Variants in ABLIM2 observed in about 807,000 individuals in gnomAD.
ABLIM2 encodes the protein actin-binding LIM protein 2.
Under a neutral mutation model 97.7 loss-of-function variants are expected in ABLIM2, and 53 were observed. The ratio of observed to expected loss-of-function variants is 0.54; its 90% CI spans 0.44 to 0.68. ABLIM2 has a LOEUF of 0.68. Ranked by LOEUF, ABLIM2 falls within the 30% of genes least tolerant of loss-of-function variation. The probability of loss-of-function intolerance (pLI) is 0.00; values close to 1 mark genes in which losing one functional copy is unlikely to be tolerated. For synonymous variants in ABLIM2, 361 were observed against 345.8 expected (o/e 1.04, Z -0.49); for missense variants, 835 against 867.2 (o/e 0.96, Z 0.47).
chr4:8,119,909 C>T (rs1032717975), intron 1 of ABLIM2, among the ~76,000 whole-genome samples: 3 of 152,070 alleles, frequency 2.0e-5, no homozygotes, highest in Admixed American at 6.5e-5. Context: ...CCTTCGCCTC[C>T]GCTCAGATCT....
At position 8,003,673 on chromosome 4, in the gene ABLIM2, C is replaced by T. The variant is rs936391296; in HGVS notation, c.1618+4386G>A. Reference sequence around the variant, plus strand: ...CTCTGCCTCCTGGGATCAAGTGATTCTCCTGCCTCAGCCTCCCAAGTAGCT... The same window carrying T: ...CTCTGCCTCCTGGGATCAAGTGATTTTCCTGCCTCAGCCTCCCAAGTAGCT... On this transcript the variant is annotated intron_variant, in intron 16 of 20. Coordinates refer to ENST00000447017, the MANE Select transcript of ABLIM2 (RefSeq NM_001130083.2). The surrounding 1 kb of genome is among the most constrained non-coding windows in gnomAD (Gnocchi z 4.2). Among the ~76,000 whole-genome samples, 1 of 148,358 alleles carries T rather than the reference C, an allele frequency of 6.7e-6. No individual in the cohort carries two copies. The highest frequency in any genetic ancestry group is 1.5e-5 in the Non-Finnish European group (1 of 67,588).
rs113297276 is a variant in ABLIM2, at chr4:8,004,228, T to C, written c.1618+3831A>G. 0.015 allele frequency among the ~76,000 whole-genome samples: 2,284 copies of C among 151,408 alleles called. 46 individuals are homozygous for C. Among genetic ancestry groups the C allele is most frequent in the African/African-American group, 0.052 (2,140 of 41,200 alleles). On this transcript the variant is annotated intron_variant, in intron 16 of 20. Coordinates refer to ENST00000447017, the MANE Select transcript of ABLIM2 (RefSeq NM_001130083.2). The surrounding 1 kb of genome is among the most constrained non-coding windows in gnomAD (Gnocchi z 5.9). ...AGAGACAAGCACCTCCCACCAGACA[T>C]GGGACTCCGCCCGGTCCCACAGCGA...
intron 17 of ABLIM2, chr4:7,989,339 AG>A: frequency 1.1e-6 from 1 of 925,486 alleles, no homozygotes; most frequent in Non-Finnish European, 1.3e-6. Context: ...TCGGCCTCGC[AG>A]AGTGCTGGGA....
At chr4:8,056,708 G>A (rs541768318) in intron 7 of ABLIM2, among the ~76,000 whole-genome samples, 9 of 151,880 alleles carry the variant, frequency 5.9e-5, no homozygotes, top group South Asian at 4.2e-4. Flanking sequence ...TGAGGCAGGC[G>A]GATCACGAGG....
At chr4:8,133,941 C>T (rs546901454) in intron 1 of ABLIM2, among the ~76,000 whole-genome samples, 8 of 152,096 alleles carry the variant, frequency 5.3e-5, no homozygotes, top group East Asian at 1.9e-4. Flanking sequence ...GAGCAAGGCA[C>T]GTGGGGACAT....
At position 8,043,257 on chromosome 4, in the gene ABLIM2, C is replaced by A. The variant is rs1789929638; in HGVS notation, c.900+1907G>T. Among the ~76,000 whole-genome samples, 1 of 152,232 alleles carries A rather than the reference C, an allele frequency of 6.6e-6. No individual in the cohort carries two copies. Among genetic ancestry groups the A allele is most frequent in the Non-Finnish European group, 1.5e-5 (1 of 68,042 alleles). Reference sequence around the variant, plus strand: ...GATTAAATACGTCTGTCATGCTTTTCTCTTGTGAACTTGTCTCTCGTTATA... The same window carrying A: ...GATTAAATACGTCTGTCATGCTTTTATCTTGTGAACTTGTCTCTCGTTATA... On this transcript the variant is annotated intron_variant, in intron 9 of 20. Transcript: ENST00000447017. The surrounding 1 kb of genome is among the most constrained non-coding windows in gnomAD (Gnocchi z 4.8).
intron 5 of ABLIM2, 23 bp downstream of exon 5, chr4:8,080,653 A>C: frequency 6.3e-7 from 1 of 1,583,478 alleles, no homozygotes; most frequent in Non-Finnish European, 8.6e-7. Flanking sequence ...GGAGGCTCTC[A>C]CTAGAGCCCT....
chr4:7,991,449 G>A (rs1252515591), intron 17 of ABLIM2, among the ~76,000 whole-genome samples: 1 of 152,230 alleles, frequency 6.6e-6, no homozygotes, highest in Non-Finnish European at 1.5e-5. Flanking sequence ...TCAGAGAACA[G>A]CTGTTCCAGG....
rs538084791 is a variant in ABLIM2, at chr4:7,986,071, C to G, written c.1681-1178G>C. 6.6e-6 allele frequency among the ~76,000 whole-genome samples: 1 copy of G among 152,318 alleles called. No homozygotes were observed. The highest frequency in any genetic ancestry group is 2.1e-4 in the South Asian group (1 of 4,832). ...CCTGTTGAAGAAAATGTCTTATTCA[C>G]GCTTCGTTCCCCAGCACCTGGAACG... On this transcript the variant is annotated intron_variant, in intron 17 of 20. Transcript: ENST00000447017. This position sits in a 1 kb window ranked among gnomAD's most constrained non-coding sequence, Gnocchi z 4.3.
chr4:8,016,530 G>A (rs1256500434), intron 14 of ABLIM2, among the ~76,000 whole-genome samples: 2 of 152,162 alleles, frequency 1.3e-5, no homozygotes, highest in African/African-American at 2.4e-5. Flanking sequence ...AGCTCCCCAC[G>A]ATGTAGCTGG....
chr4:8,049,846 G>A (rs578141259), intron 8 of ABLIM2, among the ~76,000 whole-genome samples: 2 of 152,244 alleles, frequency 1.3e-5, no homozygotes, highest in African/African-American at 4.8e-5. Flanking sequence ...TCGTGCCTCA[G>A]CCACCTGAAT....
Position 8,150,040 on chromosome 4 carries a change from A to G in ABLIM2, c.10+8640T>C, listed in dbSNP as rs1186154031. Among the ~76,000 whole-genome samples, 1 of 152,082 alleles carries G rather than the reference A, an allele frequency of 6.6e-6. No homozygotes were observed. Among genetic ancestry groups the G allele is most frequent in the African/African-American group, 2.4e-5 (1 of 41,410 alleles). Reference sequence around the variant, plus strand: ...CTCCTAGGTAAACCACCTGCACCCAAGTTCCCACTGCACCTACTCAGGGAG... The same window carrying G: ...CTCCTAGGTAAACCACCTGCACCCAGGTTCCCACTGCACCTACTCAGGGAG... On this transcript the variant is annotated intron_variant, in intron 1 of 20. Coordinates refer to ENST00000447017, the MANE Select transcript of ABLIM2 (RefSeq NM_001130083.2). The surrounding 1 kb of genome is among the most constrained non-coding windows in gnomAD (Gnocchi z 6.3).
chr4:8,151,571 A>G (rs1038704477), intron 1 of ABLIM2, among the ~76,000 whole-genome samples: 12 of 152,278 alleles, frequency 7.9e-5, no homozygotes, highest in African/African-American at 2.9e-4. Context: ...CAGATGAGAA[A>G]GGTGGGCGCA....
Position 8,147,480 on chromosome 4 carries a change from T to C in ABLIM2, c.10+11200A>G, listed in dbSNP as rs781302042. ...GCAGATGTGATTTACATAAAGCGTC[T>C]AGAGACTGGGAGATGATTCTGGATG... On this transcript the variant is annotated intron_variant, in intron 1 of 20. Transcript: ENST00000447017. The surrounding 1 kb of genome is among the most constrained non-coding windows in gnomAD (Gnocchi z 5.3). Among the ~76,000 whole-genome samples, 9 of 152,170 alleles carry C rather than the reference T, an allele frequency of 5.9e-5. No homozygotes were observed. The highest frequency in any genetic ancestry group is 1.2e-4 in the Non-Finnish European group (8 of 68,024).
intron 20 of ABLIM2, among the ~76,000 whole-genome samples, chr4:7,968,792 G>T (rs947917838): frequency 6.6e-6 from 1 of 152,218 alleles, no homozygotes; most frequent in Admixed American, 6.5e-5. Context: ...GGAGAGTGGG[G>T]TTGGTGGCAC....
chr4:8,154,031 C>T (rs1338468017), intron 1 of ABLIM2, among the ~76,000 whole-genome samples: 3 of 147,886 alleles, frequency 2.0e-5, no homozygotes, highest in African/African-American at 5.0e-5. Flanking sequence ...GGCGTGATCT[C>T]GGCTCACTGC....
chr4:8,016,785 T>C (rs1032739131), intron 14 of ABLIM2, among the ~76,000 whole-genome samples: 6 of 152,206 alleles, frequency 3.9e-5, no homozygotes, highest in Admixed American at 1.3e-4. Context: ...TGCCCAGTGT[T>C]GGCGTCTCTA....
At chr4:8,027,450 G>A (rs1009499804) in intron 12 of ABLIM2, among the ~76,000 whole-genome samples, 3 of 152,218 alleles carry the variant, frequency 2.0e-5, no homozygotes, top group Admixed American at 6.5e-5. Flanking sequence ...CAGAGGTGGT[G>A]ACTTGGGTAG....
At chr4:8,115,516 C>G (rs1385124677) in intron 1 of ABLIM2, among the ~76,000 whole-genome samples, 1 of 152,212 alleles carries the variant, frequency 6.6e-6, no homozygotes, top group Admixed American at 6.5e-5. Context: ...GCATCTCACT[C>G]TGACCCGCAA....
Sources: gnomAD v4.1 joint callset for allele counts (sites outside exome capture counted in the v4.1 genomes callset) on GRCh38, gnomAD v4.1.1 for gene constraint, Gnocchi (gnomAD v3.1) non-coding constraint, MANE v1.5 for transcripts, NCBI Gene and HGNC (gene_info 2026-07-23, HGNC 2026-07-21) for gene names.